The following CAPN1 variants were observed in gnomAD, a reference collection of about 807,000 sequenced individuals.
The protein encoded by CAPN1 is calpain-1 catalytic subunit.
Under a neutral mutation model 105.2 loss-of-function variants are expected in CAPN1, and 77 were observed. That is an observed-to-expected ratio of 0.73 (90% CI 0.61 to 0.88). The LOEUF is 0.88. CAPN1 is among the 40% of genes least tolerant of loss of function. The pLI, the probability that CAPN1 is intolerant of heterozygous loss-of-function variation, is 0.00. For missense variants in CAPN1, 833 were observed against 976.6 expected (o/e 0.85, Z 1.96); for synonymous variants, 355 against 388.8 (o/e 0.91, Z 1.02).
intron 4 of CAPN1, chr11:65,183,813 A>G (rs1374024464): frequency 2.9e-5 from 16 of 553,122 alleles, no homozygotes; most frequent in Non-Finnish European, 4.9e-5. Context: ...TATCAGGTGG[A>G]AAGTGCTTGA....
At position 65,182,723 on chromosome 11, in the gene CAPN1, C is replaced by T. The variant is rs1055185439; in HGVS notation, c.22C>T (p.Pro8Ser). The T allele has an allele frequency of 1.3e-6, 2 of 1,578,164 alleles. No individual in the cohort carries two copies. Among genetic ancestry groups the T allele is most frequent in the African/African-American group, 1.3e-5 (1 of 74,250 alleles). Residue 8 changes from proline to serine, a missense_variant, in exon 2 of 22, where the codon CCG becomes TCG. Physicochemically the swap from Pro to Ser is moderately conservative, Grantham distance 74 (BLOSUM62 -1). Coordinates refer to ENST00000279247, the MANE Select transcript of CAPN1 (RefSeq NM_005186.4). ...CAGGATGTCGGAGGAGATCATCACGCCGGTGTACTGCACTGGGGTGTCAGC... is the reference window on the plus strand; with the variant it reads ...CAGGATGTCGGAGGAGATCATCACGTCGGTGTACTGCACTGGGGTGTCAGC... The part of the protein sequence containing the change: MSEEIIT[P>S]VYCTGVSAQV...
In CAPN1 at chr11:65,188,281, A is replaced by G. The variant is rs933821695; in HGVS notation, c.930-133A>G. 1.9e-5 allele frequency: 15 copies of G among 801,418 alleles called. No homozygotes were observed. Among genetic ancestry groups the G allele is most frequent in the Non-Finnish European group, 3.0e-5 (15 of 502,326 alleles). The allele number at this position is 801,418 out of a possible 1,614,324, so 49.6% of individuals were successfully genotyped here. A position where few individuals can be genotyped will look rare whatever the true frequency, so the allele number is the denominator to read the frequency against. Reference sequence around the variant, plus strand: ...TGATGAGACCACCCCCTAGAAGCGGAACCTTGGCGCTTGACCTTGAGGAGG... The same window carrying G: ...TGATGAGACCACCCCCTAGAAGCGGGACCTTGGCGCTTGACCTTGAGGAGG... On this transcript the variant is annotated intron_variant, in intron 8 of 21. Transcript: ENST00000279247. The surrounding 1 kb of genome is among the most constrained non-coding windows in gnomAD (Gnocchi z 5.5).
At chr11:65,196,629 G>A (rs1948796062) in intron 10 of CAPN1, among the ~76,000 whole-genome samples, 1 of 151,996 alleles carries the variant, frequency 6.6e-6, no homozygotes, top group Non-Finnish European at 1.5e-5. Flanking sequence ...GGAAGGTTAG[G>A]TTATTGATTT....
intron 10 of CAPN1, among the ~76,000 whole-genome samples, chr11:65,204,299 G>A (rs967499706): frequency 3.3e-5 from 5 of 152,154 alleles, no homozygotes; most frequent in South Asian, 4.1e-4. Flanking sequence ...CTCCCTGTCC[G>A]CAGATGCGTG....
chr11:65,211,108 C>A, intron 21 of CAPN1, 152 bp from the exon 22 acceptor site: 1 of 882,788 alleles, frequency 1.1e-6, no homozygotes, highest in Non-Finnish European at 1.8e-6. Flanking sequence ...TCTGGTTTCC[C>A]AGGGGTGGAG....
chr11:65,184,912 G>C (rs1402116653), intron 4 of CAPN1, among the ~76,000 whole-genome samples: 2 of 152,174 alleles, frequency 1.3e-5, no homozygotes, highest in African/African-American at 2.4e-5. Flanking sequence ...TAGGGAAACT[G>C]AGGCTCAGAG....
chr11:65,208,333 C>A lies in CAPN1; in HGVS notation c.1729+71C>A, dbSNP rs931916564. On this transcript the variant is annotated intron_variant, in intron 16 of 21. Transcript: ENST00000279247. This position sits in a 1 kb window ranked among gnomAD's most constrained non-coding sequence, Gnocchi z 4.1. ...ATCAGAATCCAGGCTCCTGCTCACACATTGAGCTGAACCTCATCCCTTGGT... is the reference window on the plus strand; with the variant it reads ...ATCAGAATCCAGGCTCCTGCTCACAAATTGAGCTGAACCTCATCCCTTGGT... 1 of 1,380,708 alleles carries A rather than the reference C, an allele frequency of 7.2e-7. No homozygotes were observed. The highest frequency in any genetic ancestry group is 1.0e-6 in the Non-Finnish European group (1 of 991,996). 85.5% of individuals were successfully genotyped at this position (1,380,708 alleles called of 1,614,324 possible). A position where few individuals can be genotyped will look rare whatever the true frequency, so the allele number is the denominator to read the frequency against.
intron 4 of CAPN1, among the ~76,000 whole-genome samples, chr11:65,183,963 G>A (rs1590847769): frequency 6.6e-6 from 1 of 152,150 alleles, no homozygotes; most frequent in East Asian, 1.9e-4. Context: ...CACGTGTCAA[G>A]CCTCCTATCC....
chr11:65,192,617 G>GT (rs1402676209), intron 10 of CAPN1, among the ~76,000 whole-genome samples: 9 of 145,436 alleles, frequency 6.2e-5, no homozygotes, highest in South Asian at 4.5e-4. Context: ...ATTTTCTTTT[G>GT]TTTTTTCTTT....
At position 65,211,126 on chromosome 11, in the gene CAPN1, GA is replaced by G. The variant is rs1949042104; in HGVS notation, c.2119-131del. 4 of 1,023,846 alleles carry G rather than the reference GA, an allele frequency of 3.9e-6. No homozygotes were observed. The South Asian group carries it at 5.5e-5, about 14-fold the overall frequency. The allele number at this position is 1,023,846 out of a possible 1,614,324, so 63.4% of individuals were successfully genotyped here. A position where few individuals can be genotyped will look rare whatever the true frequency, so the allele number is the denominator to read the frequency against. On this transcript the variant is annotated intron_variant, in intron 21 of 21. Transcript: ENST00000279247. ...GGTTTCCCAGGGGTGGAGGAGGTAA[GA>G]AAGTAACCCCTCCATGAGGTTCCTG...
At position 65,210,499 on chromosome 11, in the gene CAPN1, C is replaced by T. The variant is rs745957761; in HGVS notation, c.2059+47C>T. The stretch of plus-strand genomic sequence containing the variant: ...CCACCCTCCAGCTCCGTCCCAAACG[C>T]GTCCCCCAGGAGCTGGGGGGAATGA... On this transcript the variant is annotated intron_variant, in intron 20 of 21. Coordinates refer to ENST00000279247, the MANE Select transcript of CAPN1 (RefSeq NM_005186.4). This position sits in a 1 kb window ranked among gnomAD's most constrained non-coding sequence, Gnocchi z 4.3. The T allele has an allele frequency of 7.0e-6, 8 of 1,150,820 alleles. No individual in the cohort carries two copies. In the Admixed American group the frequency reaches 7.4e-5, roughly 11 times the overall value. 71.3% of individuals were successfully genotyped at this position (1,150,820 alleles called of 1,614,324 possible). A position where few individuals can be genotyped will look rare whatever the true frequency, so the allele number is the denominator to read the frequency against.
intron 10 of CAPN1, among the ~76,000 whole-genome samples, chr11:65,192,664 G>T (rs139849405): frequency 0.011 from 1,582 of 149,896 alleles, 17 homozygotes; most frequent in Middle Eastern, 0.024. Context: ...GAGAGACAGG[G>T]TTTTTTAGAG....
chr11:65,201,264 T>G (rs1474351068), intron 10 of CAPN1, among the ~76,000 whole-genome samples: 1 of 151,598 alleles, frequency 6.6e-6, no homozygotes. Context: ...TTTTCTTACT[T>G]TTTGTAGTGA....
Position 65,204,810 on chromosome 11 carries a change from G to A in CAPN1, c.1293G>A (p.Glu431=), listed in dbSNP as rs533151901. The change falls in exon 11 of 22, where the codon GAG becomes GAA. Residue 431 remains glutamate, a synonymous_variant. Coordinates refer to ENST00000279247, the MANE Select transcript of CAPN1 (RefSeq NM_005186.4). ...TTATGCAGAAGCACCGTCGCCGCGAGCGCCGCTTCGGCCGCGACATGGAGA... is the reference window on the plus strand; with the variant it reads ...TTATGCAGAAGCACCGTCGCCGCGAACGCCGCTTCGGCCGCGACATGGAGA... The part of the protein sequence containing the change: ...LALMQKHRRR[E]RRFGRDMETI... The A allele has an allele frequency of 6.2e-7, 1 of 1,612,486 alleles. No homozygotes were observed. The highest frequency in any genetic ancestry group is 1.7e-5 in the Admixed American group (1 of 60,018).
chr11:65,182,616 G>A, intron 1 of CAPN1, 85 bp from the exon 2 acceptor site: 1 of 1,390,170 alleles, frequency 7.2e-7, no homozygotes, highest in Non-Finnish European at 9.5e-7. Context: ...GATAAGCAGG[G>A]GCAGGAGAGC....
chr11:65,184,368 C>T (rs17886894), intron 4 of CAPN1, among the ~76,000 whole-genome samples: 36,831 of 152,034 alleles, frequency 0.24, 5,231 homozygotes, highest in Admixed American at 0.34. Context: ...CGCAGTCTCG[C>T]CCCCTTCCCT....
Position 65,210,887 on chromosome 11 carries a change from G to A in CAPN1, c.2118+15G>A, listed in dbSNP as rs1162713457. On this transcript the variant is annotated intron_variant, in intron 21 of 21. Transcript: ENST00000279247. This position sits in a 1 kb window ranked among gnomAD's most constrained non-coding sequence, Gnocchi z 4.3. The stretch of plus-strand genomic sequence containing the variant: ...ACTTGTTTAAGGTGGGAACCTCCCT[G>A]GGCCCATGGTTGGGGAAGAGTTCCA... 2.5e-6 allele frequency: 4 copies of A among 1,604,552 alleles called. No individual in the cohort carries two copies. Among genetic ancestry groups the A allele is most frequent in the Non-Finnish European group, 3.4e-6 (4 of 1,171,524 alleles).
At chr11:65,189,116 C>T (rs1263232459) in intron 10 of CAPN1, among the ~76,000 whole-genome samples, 3 of 152,166 alleles carry the variant, frequency 2.0e-5, no homozygotes, top group Admixed American at 6.5e-5. Flanking sequence ...CTCCATCTCC[C>T]GGATTCAAGC....
chr11:65,186,976 G>A (rs1948643381), intron 6 of CAPN1, among the ~76,000 whole-genome samples: 4 of 152,198 alleles, frequency 2.6e-5, no homozygotes, highest in East Asian at 1.9e-4. Flanking sequence ...CAGTGTCAGC[G>A]GAGTGCCTGG....
Sources: allele counts gnomAD v4.1 joint callset (sites outside exome capture counted in the v4.1 genomes callset), GRCh38; gene constraint gnomAD v4.1.1; non-coding constraint Gnocchi (gnomAD v3.1); transcripts MANE v1.5; gene names NCBI Gene and HGNC (gene_info 2026-07-23, HGNC 2026-07-21).